Variants in COQ8A observed in about 807,000 individuals in gnomAD.
COQ8A encodes the protein coenzyme Q8A.
Under a neutral mutation model 65.0 loss-of-function variants are expected in COQ8A, and 51 were observed. The ratio of observed to expected loss-of-function variants is 0.78; its 90% CI spans 0.63 to 0.99. COQ8A has a LOEUF of 0.99. Among genes scored for constraint, COQ8A ranks in the 50% least tolerant of loss-of-function variants. The probability of loss-of-function intolerance (pLI) is 0.00; values close to 1 mark genes in which losing one functional copy is unlikely to be tolerated. For synonymous variants in COQ8A, 371 were observed against 353.2 expected (o/e 1.05, Z -0.57); for missense variants, 940 against 875.0 (o/e 1.07, Z -0.94).
intron 4 of COQ8A, among the ~76,000 whole-genome samples, chr1:226,969,729 AT>A (rs1658776578): frequency 6.6e-6 from 1 of 151,874 alleles, no homozygotes. Flanking sequence ...CTTATGTTTA[AT>A]GCATATCTAT....
rs199696414 is a variant in COQ8A, at chr1:226,982,090, G to A, written c.794G>A (p.Arg265His). 100 of 1,612,094 alleles carry A rather than the reference G, an allele frequency of 6.2e-5. 1 individual carries two copies. The highest frequency in any genetic ancestry group is 8.0e-5 in the Non-Finnish European group (94 of 1,179,822). ...LSEANAERIV[R>H]TLCKVRGAAL... ...GAGGCCAATGCAGAGCGGATCGTGCGCACGCTCTGCAAGGTGCGTGGTGCG... is the reference window on the plus strand; with the variant it reads ...GAGGCCAATGCAGAGCGGATCGTGCACACGCTCTGCAAGGTGCGTGGTGCG... Residue 265 changes from arginine (R) to histidine (H), a missense_variant, in exon 6 of 15, where the codon CGC (arginine) becomes CAC (histidine). Coordinates refer to ENST00000366777, the MANE Select transcript of COQ8A (RefSeq NM_020247.5).
chr1:226,965,469 T>C (rs1373310633), intron 3 of COQ8A, 59 bp downstream of exon 3: 1 of 1,579,140 alleles, frequency 6.3e-7, no homozygotes, highest in Non-Finnish European at 8.6e-7. Context: ...AGTGATGGCC[T>C]TGGGCTCTGC....
intron 1 of COQ8A, among the ~76,000 whole-genome samples, chr1:226,958,481 A>G (rs1657945707): frequency 6.6e-6 from 1 of 152,110 alleles, no homozygotes. Flanking sequence ...GTTGGCCCCT[A>G]GCTGTCTCCC....
Position 226,983,190 on chromosome 1 carries a change from G to A in COQ8A, c.1080+156G>A, listed in dbSNP as rs1572080450. 3.4e-6 allele frequency: 4 copies of A among 1,167,840 alleles called. No individual in the cohort carries two copies. The East Asian group carries it at 1.0e-4, about 30-fold the overall frequency. The allele number at this position is 1,167,840 out of a possible 1,614,324, so 72.3% of individuals were successfully genotyped here. ...GTCTTCTGGCCCCAGTGCCTGGACG[G>A]CACCAGAAGCTTGGGAAGTATTTGC... On this transcript the variant is annotated intron_variant, in intron 8 of 14. Coordinates refer to ENST00000366777, the MANE Select transcript of COQ8A (RefSeq NM_020247.5).
At chr1:226,962,707 G>A (rs1388053837) in intron 2 of COQ8A, among the ~76,000 whole-genome samples, 1 of 152,180 alleles carries the variant, frequency 6.6e-6, no homozygotes, top group South Asian at 2.1e-4. Context: ...CTTCCCTGCC[G>A]CTCTGGGAGG....
chr1:226,950,392 AAC>A (rs912505987), intron 1 of COQ8A, among the ~76,000 whole-genome samples: 4 of 152,180 alleles, frequency 2.6e-5, no homozygotes, highest in Admixed American at 6.5e-5. Context: ...GGACATCAAA[AAC>A]ACACTGTTTT....
At chr1:226,944,465 G>A (rs564792908) in intron 1 of COQ8A, among the ~76,000 whole-genome samples, 2 of 152,002 alleles carry the variant, frequency 1.3e-5, no homozygotes, top group African/African-American at 2.4e-5. Flanking sequence ...GTCTTGTTGC[G>A]GGAAGGAGGA....
intron 1 of COQ8A, among the ~76,000 whole-genome samples, chr1:226,954,943 G>A (rs951468887): frequency 6.6e-6 from 1 of 152,126 alleles, no homozygotes; most frequent in South Asian, 2.1e-4. Flanking sequence ...TCCCAGAAGA[G>A]GTGATGTTGG....
rs765129000 is a variant in COQ8A at position 226,983,647 on chromosome 1, T to A, written c.1162+14T>A. The stretch of plus-strand genomic sequence containing the variant: ...TGCTTCCAGAAGGTCTGAGGCTAGG[T>A]GGTTGGGTCAAGGGCAGGAGTGGGT... On this transcript the variant is annotated intron_variant, in intron 9 of 14. Transcript: ENST00000366777. The A allele has an allele frequency of 6.2e-7, 1 of 1,613,594 alleles. No individual in the cohort carries two copies. The highest frequency in any genetic ancestry group is 8.5e-7 in the Non-Finnish European group (1 of 1,179,858).
intron 11 of COQ8A, 94 bp downstream of exon 11, chr1:226,984,329 G>T: frequency 6.4e-7 from 1 of 1,565,668 alleles, no homozygotes; most frequent in South Asian, 1.1e-5. Flanking sequence ...TTGGAGCCCT[G>T]AGGTGCTCCC....
chr1:226,957,160 G>A (rs995479529), intron 1 of COQ8A, among the ~76,000 whole-genome samples: 4 of 129,326 alleles, frequency 3.1e-5, no homozygotes, highest in Admixed American at 1.6e-4. Flanking sequence ...CCTGGCTTCC[G>A]CTCTCCCTGG....
intron 1 of COQ8A, among the ~76,000 whole-genome samples, chr1:226,952,828 A>G (rs1256897397): frequency 1.3e-5 from 2 of 152,208 alleles, no homozygotes; most frequent in African/African-American, 4.8e-5. Context: ...AAATCTTTCT[A>G]TAAAGAAAGA....
chr1:226,956,871 C>G (rs1657807223), intron 1 of COQ8A, among the ~76,000 whole-genome samples: 1 of 130,080 alleles, frequency 7.7e-6, no homozygotes, highest in Non-Finnish European at 1.6e-5. Flanking sequence ...CACACTCTCC[C>G]TGGCTCCCAC....
At chr1:226,956,907 C>T (rs1275440744) in intron 1 of COQ8A, among the ~76,000 whole-genome samples, 7 of 118,840 alleles carry the variant, frequency 5.9e-5, no homozygotes, top group East Asian at 3.0e-4. Context: ...CTCTCCCTGG[C>T]TCCCACTCCC....
Position 226,981,939 on chromosome 1 carries a change from C to T in COQ8A, c.731-88C>T, listed in dbSNP as rs201611755. ...GGACGCCTGGGAGGAAGGACATTGT[C>T]TGAGCCTCCGTCTGTATCAGGTGGG... On this transcript the variant is annotated intron_variant, in intron 5 of 14. Coordinates refer to ENST00000366777, the MANE Select transcript of COQ8A (RefSeq NM_020247.5). The T allele has an allele frequency of 4.6e-5, 73 of 1,585,150 alleles. No homozygotes were observed. In the Admixed American group the frequency reaches 7.9e-4, roughly 17 times the overall value.
chr1:226,983,230 TG>T, intron 8 of COQ8A, 196 bp downstream of exon 8: 4 of 934,816 alleles, frequency 4.3e-6, no homozygotes, highest in Non-Finnish European at 6.2e-6. Context: ...TGAGTGACTT[TG>T]GGGGCACAGA....
intron 5 of COQ8A, among the ~76,000 whole-genome samples, chr1:226,981,300 G>T (rs1659669958): frequency 6.6e-6 from 1 of 152,158 alleles, no homozygotes; most frequent in African/African-American, 2.4e-5. Context: ...TGGGCCACAC[G>T]CCTGCTGGCA....
chr1:226,985,674 C>T (rs551645813), intron 14 of COQ8A, among the ~76,000 whole-genome samples: 5 of 152,316 alleles, frequency 3.3e-5, no homozygotes, highest in African/African-American at 4.8e-5. Flanking sequence ...CATCGAGCCT[C>T]CCTGGGGGGA....
chr1:226,944,035 G>C (rs1656851964), intron 1 of COQ8A, among the ~76,000 whole-genome samples: 1 of 151,992 alleles, frequency 6.6e-6, no homozygotes, highest in Admixed American at 6.5e-5. Flanking sequence ...GGGGTGTCGA[G>C]GACCAGCCTG....
Sources: allele counts gnomAD v4.1 joint callset (sites outside exome capture counted in the v4.1 genomes callset), GRCh38; gene constraint gnomAD v4.1.1; transcripts MANE v1.5; gene names NCBI Gene and HGNC (gene_info 2026-07-23, HGNC 2026-07-21).